TGFBR3: variants seen among roughly 807,000 people sequenced by gnomAD.
The protein encoded by TGFBR3 is transforming growth factor beta receptor 3.
Under a neutral mutation model 87.9 loss-of-function variants are expected in TGFBR3, and 46 were observed. The ratio of observed to expected loss-of-function variants is 0.52; its 90% CI spans 0.41 to 0.67. The LOEUF is 0.67. TGFBR3 is among the 30% of genes least tolerant of loss of function. TGFBR3 has a pLI of 0.00. For missense variants in TGFBR3, 866 were observed against 1,041.9 expected (o/e 0.83, Z 2.32); for synonymous variants, 381 against 391.6 (o/e 0.97, Z 0.32).
Position 91,886,113 on chromosome 1 carries a change from A to G in TGFBR3, c.-349T>C, listed in dbSNP as rs938350461. On this transcript the variant is annotated 5_prime_UTR_variant, in exon 1 of 17. Transcript: ENST00000212355. ...GACTGCCCTCCTTCACTCGCTGGGA[A>G]GAGGAAAGTGCCGCTCGGCGTCCCC... The G allele has an allele frequency of 4.4e-6, 2 of 454,040 alleles. No homozygotes were observed. Among genetic ancestry groups the G allele is most frequent in the Admixed American group, 2.3e-5 (1 of 42,576 alleles). 28.1% of individuals were successfully genotyped at this position (454,040 alleles called of 1,614,324 possible).
chr1:91,777,195 G>A (rs1331941833), intron 3 of TGFBR3, among the ~76,000 whole-genome samples: 2 of 152,158 alleles, frequency 1.3e-5, no homozygotes, highest in Non-Finnish European at 2.9e-5. Context: ...AATCTGTAGT[G>A]GGGAAATCTG....
At chr1:91,790,573 G>A (rs1241655355) in intron 3 of TGFBR3, among the ~76,000 whole-genome samples, 2 of 152,194 alleles carry the variant, frequency 1.3e-5, no homozygotes, top group African/African-American at 4.8e-5. Context: ...CAAACACCAG[G>A]CAGTGCTTAT....
chr1:91,867,558 G>A (rs946871330), intron 1 of TGFBR3, among the ~76,000 whole-genome samples: 1 of 152,170 alleles, frequency 6.6e-6, no homozygotes, highest in African/African-American at 2.4e-5. Context: ...AAGGGAGGGT[G>A]GGTGTTGACA....
At chr1:91,812,329 T>A (rs905521277) in intron 2 of TGFBR3, among the ~76,000 whole-genome samples, 1 of 152,184 alleles carries the variant, frequency 6.6e-6, no homozygotes, top group Non-Finnish European at 1.5e-5. Flanking sequence ...TGACTGGCAA[T>A]GAGATATTCC....
chr1:91,816,523 T>G (rs2129975), intron 2 of TGFBR3, among the ~76,000 whole-genome samples: 81,129 of 152,014 alleles, frequency 0.53, 21,791 homozygotes, highest in Middle Eastern at 0.64. Flanking sequence ...ACAGCTACAG[T>G]GTTGGAATGG....
chr1:91,809,260 A>G (rs284152), intron 2 of TGFBR3, among the ~76,000 whole-genome samples: 62,199 of 152,044 alleles, frequency 0.41, 14,270 homozygotes, highest in East Asian at 0.75. Flanking sequence ...TCATTTGCAA[A>G]CTGGTGTCTA....
intron 5 of TGFBR3, among the ~76,000 whole-genome samples, chr1:91,733,892 A>T (rs1672859390): frequency 6.6e-6 from 1 of 152,052 alleles, no homozygotes. Flanking sequence ...AAAATTAGCC[A>T]GGTATGATGG....
chr1:91,795,366 C>T (rs1477576632), intron 3 of TGFBR3, among the ~76,000 whole-genome samples: 1 of 152,148 alleles, frequency 6.6e-6, no homozygotes, highest in Non-Finnish European at 1.5e-5. Context: ...TTCTTTTCTT[C>T]CTCACTGAAC....
chr1:91,893,145 A>T (rs999184560), intron 2 of TGFBR3, among the ~76,000 whole-genome samples: 2 of 152,192 alleles, frequency 1.3e-5, no homozygotes, highest in Admixed American at 6.6e-5. Context: ...GCCGTGTTGT[A>T]AGTTTGGGTT....
chr1:91,858,829 G>A (rs964953062), intron 2 of TGFBR3, among the ~76,000 whole-genome samples: 1 of 151,872 alleles, frequency 6.6e-6, no homozygotes, highest in Non-Finnish European at 1.5e-5. Context: ...GCTGAAGGGG[G>A]TGGATCACTT....
intron 2 of TGFBR3, among the ~76,000 whole-genome samples, chr1:91,859,584 T>C (rs1479144733): frequency 6.6e-6 from 1 of 152,044 alleles, no homozygotes. Context: ...ATTCATAAAC[T>C]GGCATTCAAA....
intron 3 of TGFBR3, among the ~76,000 whole-genome samples, chr1:91,790,587 C>A (rs543624850): frequency 2.2e-4 from 34 of 152,254 alleles, no homozygotes; most frequent in African/African-American, 8.2e-4. Context: ...TGCTTATATG[C>A]GGAATGTATT....
chr1:91,771,306 A>G (rs1475950719), intron 3 of TGFBR3, among the ~76,000 whole-genome samples: 1 of 152,166 alleles, frequency 6.6e-6, no homozygotes, highest in Non-Finnish European at 1.5e-5. Flanking sequence ...ATGTTTTAAG[A>G]TATACTTTAT....
chr1:91,832,074 C>T (rs1408862902), intron 2 of TGFBR3, among the ~76,000 whole-genome samples: 1 of 152,108 alleles, frequency 6.6e-6, no homozygotes, highest in Non-Finnish European at 1.5e-5. Flanking sequence ...TTTTATATCC[C>T]TTTACTTAAA....
chr1:91,763,875 A>C (rs927408857), intron 3 of TGFBR3, among the ~76,000 whole-genome samples: 2 of 152,188 alleles, frequency 1.3e-5, no homozygotes, highest in Non-Finnish European at 2.9e-5. Context: ...ATTCTGATCT[A>C]AGGAACCCCT....
At chr1:91,876,532 C>A (rs1678816873) in intron 1 of TGFBR3, among the ~76,000 whole-genome samples, 1 of 151,972 alleles carries the variant, frequency 6.6e-6, no homozygotes, top group Non-Finnish European at 1.5e-5. Context: ...TGCTAGGCAG[C>A]AGGGACTACA....
At chr1:91,780,475 G>A (rs1447099903) in intron 3 of TGFBR3, among the ~76,000 whole-genome samples, 1 of 151,022 alleles carries the variant, frequency 6.6e-6, no homozygotes, top group Non-Finnish European at 1.5e-5. Context: ...CTTGTAAATG[G>A]GGCATATTTA....
chr1:91,861,205 C>A (rs1397668708), intron 2 of TGFBR3, among the ~76,000 whole-genome samples: 1 of 151,994 alleles, frequency 6.6e-6, no homozygotes, highest in African/African-American at 2.4e-5. Flanking sequence ...AGTTTGAAAC[C>A]AGCCTGAGCA....
rs1679286755 is a variant in TGFBR3 at position 91,886,010 on chromosome 1, G to T, written c.-246C>A. 1 of 453,484 alleles carries T rather than the reference G, an allele frequency of 2.2e-6. No homozygotes were observed. Among genetic ancestry groups the T allele is most frequent in the East Asian group, 7.0e-5 (1 of 14,350 alleles). The allele number at this position is 453,484 out of a possible 1,614,324, so 28.1% of individuals were successfully genotyped here. A position where few individuals can be genotyped will look rare whatever the true frequency, so the allele number is the denominator to read the frequency against. On this transcript the variant is annotated 5_prime_UTR_variant, in exon 1 of 17. Coordinates refer to ENST00000212355, the MANE Select transcript of TGFBR3 (RefSeq NM_003243.5). ...CGCCGCGGCAAAACTACGCCATCCG[G>T]ACCCGCTGGGGACTCTCACCTCCTG...
Sources: allele counts gnomAD v4.1 joint callset (sites outside exome capture counted in the v4.1 genomes callset), GRCh38; gene constraint gnomAD v4.1.1; transcripts MANE v1.5; gene names NCBI Gene and HGNC (gene_info 2026-07-23, HGNC 2026-07-21).